PDZD8: variants seen among roughly 807,000 people sequenced by gnomAD.
PDZD8 encodes the protein PDZ domain containing 8.
A neutral mutation model predicts 85.8 loss-of-function variants in PDZD8; 14 were observed. That is an observed-to-expected ratio of 0.16 (90% CI 0.11 to 0.26). The LOEUF (loss-of-function observed/expected upper bound fraction) is 0.26, where lower values mean the gene tolerates loss of function less well. PDZD8 is among the 10% of genes least tolerant of loss of function. The pLI, the probability that PDZD8 is intolerant of heterozygous loss-of-function variation, is 1.00. For missense variants in PDZD8, 1,197 were observed against 1,424.3 expected, an observed-to-expected ratio of 0.84 and a Z score of 2.57; for synonymous variants, 592 against 568.6, an observed-to-expected ratio of 1.04 and a Z score of -0.59.
At chr10:117,360,295 G>A (rs1844974646) in intron 1 of PDZD8, among the ~76,000 whole-genome samples, 1 of 152,118 alleles carries the variant, frequency 6.6e-6, no homozygotes, top group African/African-American at 2.4e-5. Flanking sequence ...TCTTGACTAT[G>A]TCTGGCAAAT....
rs147491441 is a variant in PDZD8 at position 117,367,409 on chromosome 10, A to AAAACAAACAAACAAAC, written c.872+6931_872+6946dup. ...CTGGGCAAGAGTGAGACTCCGTCTC[A>AAAACAAACAAACAAAC]AAACAAACAAACAAACAAACAAACA... is the stretch of plus-strand genomic sequence containing the variant. On this transcript the variant is annotated intron_variant, in intron 1 of 4. Transcript: ENST00000334464. 2.4e-3 allele frequency among the ~76,000 whole-genome samples: 364 copies of AAAACAAACAAACAAAC among 151,332 alleles called. 2 individuals are homozygous for AAAACAAACAAACAAAC. The highest frequency in any genetic ancestry group is 8.1e-3 in the African/African-American group (333 of 41,100).
intron 1 of PDZD8, among the ~76,000 whole-genome samples, chr10:117,342,059 G>A (rs2133848227): frequency 6.6e-6 from 1 of 152,270 alleles, no homozygotes; most frequent in East Asian, 1.9e-4. Flanking sequence ...ATTTTACAAA[G>A]TGAATGGCAA....
At chr10:117,356,233 A>G (rs913466016) in intron 1 of PDZD8, among the ~76,000 whole-genome samples, 3 of 152,108 alleles carry the variant, frequency 2.0e-5, no homozygotes, top group African/African-American at 7.2e-5. Flanking sequence ...AAATTGCCTA[A>G]TATTTAACAT....
intron 3 of PDZD8, among the ~76,000 whole-genome samples, chr10:117,311,731 T>C (rs543709265): frequency 1.2e-4 from 18 of 152,080 alleles, no homozygotes; most frequent in Admixed American, 9.8e-4. Flanking sequence ...GGATGGCTAC[T>C]TGGTGACAGA....
chr10:117,354,431 A>G (rs1213292550), intron 1 of PDZD8, among the ~76,000 whole-genome samples: 2 of 152,124 alleles, frequency 1.3e-5, no homozygotes, highest in Non-Finnish European at 2.9e-5. Flanking sequence ...GTCTCACTGA[A>G]TCTCTGAAGA....
chr10:117,296,606 T>C (rs1206379210), intron 3 of PDZD8, among the ~76,000 whole-genome samples: 1 of 152,118 alleles, frequency 6.6e-6, no homozygotes, highest in Non-Finnish European at 1.5e-5. Flanking sequence ...GGTATTGGTC[T>C]AATGACAGAC....
intron 1 of PDZD8, among the ~76,000 whole-genome samples, chr10:117,368,865 T>G (rs1845137257): frequency 7.3e-6 from 1 of 137,470 alleles, no homozygotes; most frequent in South Asian, 2.4e-4. Context: ...TTTTTTTTTT[T>G]TTTTTTTTTT....
At chr10:117,351,930 C>T (rs1015569814) in intron 1 of PDZD8, among the ~76,000 whole-genome samples, 3 of 151,776 alleles carry the variant, frequency 2.0e-5, no homozygotes, top group African/African-American at 7.3e-5. Flanking sequence ...CCTCCTGCTT[C>T]GGCCTCCCAA....
chr10:117,344,303 G>A (rs1589580716), intron 1 of PDZD8, among the ~76,000 whole-genome samples: 1 of 152,202 alleles, frequency 6.6e-6, no homozygotes, highest in African/African-American at 2.4e-5. Context: ...ATGACAATTT[G>A]ATAAGAAAGC....
intron 2 of PDZD8, among the ~76,000 whole-genome samples, chr10:117,320,380 G>A (rs1844209099): frequency 6.6e-6 from 1 of 152,028 alleles, no homozygotes; most frequent in Admixed American, 6.6e-5. Context: ...GAATGAAAAA[G>A]CAAAATTGTC....
intron 2 of PDZD8, among the ~76,000 whole-genome samples, chr10:117,322,208 T>C (rs916786194): frequency 2.0e-5 from 3 of 152,170 alleles, no homozygotes; most frequent in African/African-American, 7.2e-5. Context: ...AACAGACTTA[T>C]AACTAAATTA....
chr10:117,372,359 T>C (rs1845208480), intron 1 of PDZD8, among the ~76,000 whole-genome samples: 1 of 152,158 alleles, frequency 6.6e-6, no homozygotes, highest in Non-Finnish European at 1.5e-5. Flanking sequence ...AATGCCTCCA[T>C]AACTTATTCA....
chr10:117,336,354 G>A (rs1844515029), intron 2 of PDZD8, among the ~76,000 whole-genome samples: 1 of 152,182 alleles, frequency 6.6e-6, no homozygotes, highest in Non-Finnish European at 1.5e-5. Flanking sequence ...GCATGTATAA[G>A]TATTGATACA....
chr10:117,326,149 C>G lies in PDZD8; in HGVS notation c.996-7175G>C, dbSNP rs112935551. Among the ~76,000 whole-genome samples the G allele has an allele frequency of 3.6e-3, 550 of 152,260 alleles. 3 individuals carry two copies. The highest frequency in any genetic ancestry group is 0.013 in the African/African-American group (520 of 41,552). ...AAACCTCTTTTCTTTATAAATTACC[C>G]AGTCTTGGATATTTCTTTATAGCAG... On this transcript the variant is annotated intron_variant, in intron 2 of 4. Coordinates refer to ENST00000334464, the MANE Select transcript of PDZD8 (RefSeq NM_173791.5).
chr10:117,366,808 G>A lies in PDZD8; in HGVS notation c.872+7548C>T, dbSNP rs189020550. On this transcript the variant is annotated intron_variant, in intron 1 of 4. Transcript: ENST00000334464. ...TAGGACTTTATATCACTAATCCTCC[G>A]TAAATCGCATATTTCCACATCTGTA... Among the ~76,000 whole-genome samples the A allele has an allele frequency of 5.9e-5, 9 of 152,098 alleles. No individual in the cohort carries two copies. The East Asian group carries it at 1.2e-3, about 20-fold the overall frequency.
At chr10:117,304,027 C>A (rs1188236233) in intron 3 of PDZD8, among the ~76,000 whole-genome samples, 1 of 152,124 alleles carries the variant, frequency 6.6e-6, no homozygotes, top group Non-Finnish European at 1.5e-5. Flanking sequence ...AAGAGGGCCA[C>A]CATCCTCCAG....
In PDZD8 at chr10:117,374,672, A is replaced by AGGC; in HGVS notation, c.553_555dup (p.Ala185dup). On this transcript the variant is annotated inframe_insertion, in exon 1 of 5. Transcript: ENST00000334464. The surrounding 1 kb of genome is among the most constrained non-coding windows in gnomAD (Gnocchi z 7.8). ...GCCTCGAAGGCCAGCTCCTCGGGGC[A>AGGC]GGCGGCGGGCAGCGCCTCCCCTTCA... 7 of 1,589,376 alleles carry AGGC rather than the reference A, an allele frequency of 4.4e-6. No individual in the cohort carries two copies. The highest frequency in any genetic ancestry group is 6.0e-6 in the Non-Finnish European group (7 of 1,168,184).
At position 117,315,722 on chromosome 10, in the gene PDZD8, T is replaced by G. The variant is rs1328702108; in HGVS notation, c.1098+3150A>C. Among the ~76,000 whole-genome samples, 12 of 151,786 alleles carry G rather than the reference T, an allele frequency of 7.9e-5. No homozygotes were observed. The East Asian group carries it at 2.3e-3, about 29-fold the overall frequency. On this transcript the variant is annotated intron_variant, in intron 3 of 4. Transcript: ENST00000334464. ...CTTAGGATCTCTCTCTTTCAAACAA[T>G]GTGTGCTACTGTGACATTTATGTGT...
chr10:117,362,943 G>C (rs143682702), intron 1 of PDZD8, among the ~76,000 whole-genome samples: 1 of 151,914 alleles, frequency 6.6e-6, no homozygotes, highest in Non-Finnish European at 1.5e-5. Flanking sequence ...TTCTGGTCTC[G>C]ATTAAAATCC....
Sources: allele counts gnomAD v4.1 joint callset (sites outside exome capture counted in the v4.1 genomes callset), GRCh38; gene constraint gnomAD v4.1.1; non-coding constraint Gnocchi (gnomAD v3.1); transcripts MANE v1.5; gene names NCBI Gene and HGNC (gene_info 2026-07-23, HGNC 2026-07-21).